GALNT14: variants seen among roughly 807,000 people sequenced by gnomAD.
GALNT14 encodes the protein UDP-GalNAc:polypeptide N-acetylgalactosaminyltransferase 14.
In GALNT14, 60 loss-of-function variants were observed where a neutral mutation model predicts 77.5. That is an observed-to-expected ratio of 0.77 (90% confidence interval 0.63 to 0.96). The LOEUF (loss-of-function observed/expected upper bound fraction) is 0.96, where lower values mean the gene tolerates loss of function less well. Among genes scored for constraint, GALNT14 ranks in the 40% least tolerant of loss-of-function variants. The probability of loss-of-function intolerance (pLI) is 0.00; values close to 1 mark genes in which losing one functional copy is unlikely to be tolerated. For synonymous variants in GALNT14, 280 were observed against 281.7 expected, an observed-to-expected ratio of 0.99 and a Z score of 0.06; for missense variants, 710 against 731.0, an observed-to-expected ratio of 0.97 and a Z score of 0.33.
intron 2 of GALNT14, among the ~76,000 whole-genome samples, chr2:30,988,643 C>T (rs953245980): frequency 4.6e-5 from 7 of 152,168 alleles, no homozygotes; most frequent in African/African-American, 1.7e-4. Flanking sequence ...TTTGGCTGCA[C>T]CAGTCCTACC....
chr2:30,975,044 G>A (rs1668555654), intron 2 of GALNT14, among the ~76,000 whole-genome samples: 1 of 152,194 alleles, frequency 6.6e-6, no homozygotes, highest in Admixed American at 6.5e-5. Context: ...AGCAAAGAGA[G>A]ACCAAAGAAA....
chr2:31,023,990 G>A (rs1671891843), intron 1 of GALNT14, among the ~76,000 whole-genome samples: 1 of 152,070 alleles, frequency 6.6e-6, no homozygotes, highest in Non-Finnish European at 1.5e-5. Flanking sequence ...AATATATCCT[G>A]AGTGTGTGGC....
At chr2:31,030,430 A>C (rs1334105669) in intron 1 of GALNT14, among the ~76,000 whole-genome samples, 1 of 152,214 alleles carries the variant, frequency 6.6e-6, no homozygotes, top group Non-Finnish European at 1.5e-5. Flanking sequence ...AGAGGCTTAT[A>C]AAATTGTTGA....
chr2:31,083,997 G>A (rs1676285880), intron 1 of GALNT14, among the ~76,000 whole-genome samples: 1 of 152,150 alleles, frequency 6.6e-6, no homozygotes, highest in Non-Finnish European at 1.5e-5. Flanking sequence ...TTAGGAACAT[G>A]ATATCTAGAG....
intron 1 of GALNT14, among the ~76,000 whole-genome samples, chr2:31,036,174 T>A (rs1672727354): frequency 6.6e-6 from 1 of 152,238 alleles, no homozygotes; most frequent in South Asian, 2.1e-4. Context: ...GTCATTTTGC[T>A]TTAGGTTTCT....
intron 1 of GALNT14, among the ~76,000 whole-genome samples, chr2:31,093,711 T>G (rs1236536907): frequency 1.3e-5 from 2 of 152,256 alleles, no homozygotes; most frequent in Non-Finnish European, 2.9e-5. Context: ...TTCTTATTAT[T>G]ATCTATCATG....
At chr2:30,906,743 C>G (rs1445138833), downstream of GALNT14, among the ~76,000 whole-genome samples, 1 of 152,182 alleles carries the variant, frequency 6.6e-6, no homozygotes, top group African/African-American at 2.4e-5. Context: ...CACCCCAAAT[C>G]AACAGAATAT....
At chr2:31,067,320 C>A (rs1000013900) in intron 1 of GALNT14, among the ~76,000 whole-genome samples, 1 of 152,134 alleles carries the variant, frequency 6.6e-6, no homozygotes, top group Admixed American at 6.5e-5. Context: ...CATGTCCCCA[C>A]GGGGGCCAAA....
rs1329562790 is a variant in GALNT14, at chr2:31,078,968, T to C, written c.129+58990A>G. The C allele has an allele frequency of 3.1e-6, 4 of 1,289,296 alleles. No homozygotes were observed. In the East Asian group the frequency reaches 1.7e-4, roughly 54 times the overall value. The allele number at this position is 1,289,296 out of a possible 1,614,324, so 79.9% of individuals were successfully genotyped here. A position where few individuals can be genotyped will look rare whatever the true frequency, so the allele number is the denominator to read the frequency against. On this transcript the variant is annotated intron_variant, in intron 1 of 14. Coordinates refer to ENST00000349752, the MANE Select transcript of GALNT14 (RefSeq NM_024572.4). ...CTCATCTTGGGCCATGGCTGTTCCA[T>C]GCCTGGGAGGGAGAGCAGGGGAGCT...
intron 1 of GALNT14, among the ~76,000 whole-genome samples, chr2:31,028,602 C>A (rs747886251): frequency 5.9e-5 from 9 of 152,244 alleles, no homozygotes; most frequent in Non-Finnish European, 8.8e-5. Context: ...GCTTTATTAT[C>A]AATATGCAAA....
chr2:30,893,068 T>C, the GALNT14 span, among the ~76,000 whole-genome samples: 1 of 152,210 alleles, frequency 6.6e-6, no homozygotes, highest in African/African-American at 2.4e-5. Flanking sequence ...GAGAATGTTG[T>C]ATAGCAAACA....
At chr2:30,925,543 G>T (rs1286023887) in intron 11 of GALNT14, among the ~76,000 whole-genome samples, 1 of 152,208 alleles carries the variant, frequency 6.6e-6, no homozygotes, top group African/African-American at 2.4e-5. Context: ...AGAGGTAGGG[G>T]CCCCTGCTAG....
chr2:31,100,160 G>A (rs1677193337), intron 1 of GALNT14, among the ~76,000 whole-genome samples: 1 of 151,874 alleles, frequency 6.6e-6, no homozygotes, highest in Non-Finnish European at 1.5e-5. Flanking sequence ...TATACGGTAA[G>A]TCCTCACTTA....
At chr2:30,960,304 T>A (rs1219667242) in intron 3 of GALNT14, among the ~76,000 whole-genome samples, 4 of 152,178 alleles carry the variant, frequency 2.6e-5, no homozygotes, top group Non-Finnish European at 5.9e-5. Flanking sequence ...GCTGGAAGAA[T>A]AACCCCTAAT....
At chr2:31,065,088 A>T (rs1276126762) in intron 1 of GALNT14, 2 of 151,624 alleles carry the variant, frequency 1.3e-5, no homozygotes, top group Non-Finnish European at 2.9e-5. Context: ...TTCTCTCCAG[A>T]TCAGCCCAGA....
chr2:31,111,811 G>A (rs1261676359), intron 1 of GALNT14, among the ~76,000 whole-genome samples: 1 of 152,022 alleles, frequency 6.6e-6, no homozygotes, highest in African/African-American at 2.4e-5. Context: ...TATGCAAGAT[G>A]AATTTCAATT....
chr2:31,017,677 A>G, intron 1 of GALNT14, among the ~76,000 whole-genome samples: 1 of 152,154 alleles, frequency 6.6e-6, no homozygotes, highest in East Asian at 1.9e-4. Context: ...CAGTCCACAG[A>G]GACCACCTGA....
chr2:31,050,866 A>T (rs141968268), intron 1 of GALNT14, among the ~76,000 whole-genome samples: 156 of 151,290 alleles, frequency 1.0e-3, no homozygotes, highest in African/African-American at 3.6e-3. Flanking sequence ...CAAAATACCC[A>T]CAGGGGACTT....
chr2:30,977,603 G>T (rs1474045476), intron 2 of GALNT14, among the ~76,000 whole-genome samples: 1 of 152,110 alleles, frequency 6.6e-6, no homozygotes, highest in East Asian at 1.9e-4. Flanking sequence ...TCCTCCAATT[G>T]CAACAGCTAT....
Sources: gnomAD v4.1 joint callset for allele counts (sites outside exome capture counted in the v4.1 genomes callset) on GRCh38, gnomAD v4.1.1 for gene constraint, MANE v1.5 for transcripts, NCBI Gene and HGNC (gene_info 2026-07-23, HGNC 2026-07-21) for gene names.